Variants in AXDND1 observed in about 807,000 individuals in gnomAD.
AXDND1 encodes the protein axonemal dynein light chain domain-containing protein 1.
Under a neutral mutation model 137.5 loss-of-function variants are expected in AXDND1, and 110 were observed. That is an observed-to-expected ratio of 0.80 (90% CI 0.69 to 0.94). The LOEUF is 0.94. Among genes scored for constraint, AXDND1 ranks in the 40% least tolerant of loss-of-function variants. The pLI, the probability that AXDND1 is intolerant of heterozygous loss-of-function variation, is 0.00. For synonymous variants in AXDND1, 414 were observed against 399.7 expected (o/e 1.04, Z -0.43); for missense variants, 1,191 against 1,169.8 (o/e 1.02, Z -0.26).
intron 25 of AXDND1, among the ~76,000 whole-genome samples, chr1:179,539,133 C>T (rs1370576289): frequency 2.0e-5 from 3 of 152,092 alleles, no homozygotes; most frequent in Non-Finnish European, 2.9e-5. Flanking sequence ...TGGGTCTTGA[C>T]TCTTTATCCA....
At chr1:179,395,057 A>G in intron 10 of AXDND1, 41 bp from the exon 11 acceptor site, 1 of 1,549,506 alleles carries the variant, frequency 6.5e-7, no homozygotes. Context: ...CTTTTTGGAA[A>G]TCTCCAAATA....
chr1:179,380,017 AG>A, intron 6 of AXDND1, among the ~76,000 whole-genome samples: 1 of 152,294 alleles, frequency 6.6e-6, no homozygotes, highest in African/African-American at 2.4e-5. Context: ...TGGGAGGCTG[AG>A]GCGAGCAGAT....
intron 11 of AXDND1, among the ~76,000 whole-genome samples, chr1:179,403,523 A>C (rs779149518): frequency 6.6e-6 from 1 of 152,230 alleles, no homozygotes; most frequent in Non-Finnish European, 1.5e-5. Context: ...TTTTACTGCA[A>C]TACACAATTG....
intron 20 of AXDND1, among the ~76,000 whole-genome samples, chr1:179,498,423 A>G (rs1474087312): frequency 6.6e-6 from 1 of 152,168 alleles, no homozygotes; most frequent in Non-Finnish European, 1.5e-5. Flanking sequence ...TATTCATTAA[A>G]TGGTGCTGGG....
chr1:179,401,534 G>A (rs1049965146), intron 11 of AXDND1, among the ~76,000 whole-genome samples: 2 of 152,068 alleles, frequency 1.3e-5, no homozygotes, highest in African/African-American at 4.8e-5. Flanking sequence ...ATTCAGAAAT[G>A]TATTTTTACT....
chr1:179,366,467 G>A lies in AXDND1; in HGVS notation c.-43G>A, dbSNP rs1212003142. 1 of 1,512,574 alleles carries A rather than the reference G, an allele frequency of 6.6e-7. No homozygotes were observed. The highest frequency in any genetic ancestry group is 1.1e-5 in the South Asian group (1 of 88,814). 93.7% of individuals were successfully genotyped at this position (1,512,574 alleles called of 1,614,324 possible). ...TTTGTGTCTAAATTAGCTTTCCGGA[G>A]GACTATTTCAAATTACTAAAGAGAT... On this transcript the variant is annotated 5_prime_UTR_variant, in exon 2 of 26. Coordinates refer to ENST00000367618, the MANE Select transcript of AXDND1 (RefSeq NM_144696.6).
At chr1:179,550,828 A>G (rs886124549) in intron 25 of AXDND1, 1 of 335,030 alleles carries the variant, frequency 3.0e-6, no homozygotes, top group Admixed American at 4.1e-5. Context: ...AACCTTGCCA[A>G]AGGGGTCAGA....
chr1:179,491,786 T>C, intron 19 of AXDND1, 49 bp downstream of exon 19: 1 of 1,440,984 alleles, frequency 6.9e-7, no homozygotes, highest in Non-Finnish European at 9.3e-7. Flanking sequence ...GAATGTCGCA[T>C]ATAACAGAGA....
chr1:179,385,733 C>T (rs1266947413), intron 9 of AXDND1, among the ~76,000 whole-genome samples: 1 of 152,216 alleles, frequency 6.6e-6, no homozygotes, highest in Non-Finnish European at 1.5e-5. Context: ...TGGGGAGGCA[C>T]CTCTATTGTG....
intron 20 of AXDND1, among the ~76,000 whole-genome samples, chr1:179,500,125 A>C (rs1224577878): frequency 6.6e-6 from 1 of 152,164 alleles, no homozygotes; most frequent in Non-Finnish European, 1.5e-5. Flanking sequence ...CATGGAATAC[A>C]AAAGTCCTGA....
intron 4 of AXDND1, among the ~76,000 whole-genome samples, chr1:179,376,271 G>A (rs143513146): frequency 2.6e-4 from 40 of 152,242 alleles, no homozygotes; most frequent in East Asian, 1.7e-3. Context: ...TTGGTTCCCA[G>A]ACACCTGCAG....
intron 18 of AXDND1, among the ~76,000 whole-genome samples, chr1:179,488,006 A>C (rs1295636459): frequency 7.7e-6 from 1 of 129,926 alleles, no homozygotes; most frequent in Non-Finnish European, 1.6e-5. Context: ...AAAAAAAAAA[A>C]AAAAAAAAAG....
intron 9 of AXDND1, among the ~76,000 whole-genome samples, chr1:179,389,813 G>A (rs1308768657): frequency 6.6e-6 from 1 of 152,070 alleles, no homozygotes; most frequent in Admixed American, 6.6e-5. Context: ...TTGTCAGGAG[G>A]GGGAAATCCT....
intron 16 of AXDND1, chr1:179,449,670 T>G (rs1377180849): frequency 6.6e-6 from 1 of 152,182 alleles, no homozygotes; most frequent in African/African-American, 2.4e-5. Flanking sequence ...ATTATTTAGA[T>G]ATTTTTCAAT....
At chr1:179,481,333 A>C (rs1420545982) in intron 17 of AXDND1, among the ~76,000 whole-genome samples, 1 of 152,082 alleles carries the variant, frequency 6.6e-6, no homozygotes, top group Non-Finnish European at 1.5e-5. Flanking sequence ...TTACGGCTGC[A>C]TAGTATTCCA....
chr1:179,438,388 A>G (rs4651028), intron 15 of AXDND1, among the ~76,000 whole-genome samples: 44,659 of 152,018 alleles, frequency 0.29, 6,775 homozygotes, highest in Non-Finnish European at 0.31. Flanking sequence ...TTACCACTTC[A>G]ATTTGTAACT....
At position 179,493,681 on chromosome 1, in the gene AXDND1, C is replaced by T. The variant is rs373480392; in HGVS notation, c.2388+730C>T. On this transcript the variant is annotated intron_variant, in intron 20 of 25. Coordinates refer to ENST00000367618, the MANE Select transcript of AXDND1 (RefSeq NM_144696.6). ...AGGGAAATTATAGTTAACAATAATT[C>T]GCTGTATATTTCAAAATAGCTAGAA... Among the ~76,000 whole-genome samples the T allele has an allele frequency of 3.9e-4, 59 of 152,064 alleles. No individual in the cohort carries two copies. In the East Asian group the frequency reaches 4.6e-3, roughly 12 times the overall value.
chr1:179,544,544 G>A (rs3754132), intron 25 of AXDND1: 46,708 of 151,534 alleles, frequency 0.31, 7,675 homozygotes, highest in East Asian at 0.41. Context: ...ATGGTGGTGC[G>A]CACTTGTAGT....
chr1:179,381,209 T>C (rs1354586906), intron 6 of AXDND1, among the ~76,000 whole-genome samples: 1 of 150,912 alleles, frequency 6.6e-6, no homozygotes, highest in Non-Finnish European at 1.5e-5. Context: ...CCTGGCTAAT[T>C]TTTTGTATTT....
Sources: gnomAD v4.1 joint callset for allele counts (sites outside exome capture counted in the v4.1 genomes callset) on GRCh38, gnomAD v4.1.1 for gene constraint, MANE v1.5 for transcripts, NCBI Gene and HGNC (gene_info 2026-07-23, HGNC 2026-07-21) for gene names.